BLTP1: variants seen among roughly 807,000 people sequenced by gnomAD.
The protein encoded by BLTP1 is bridge-like lipid transfer protein family member 1.
At chr4:122,195,356 A>G in the BLTP1 span, among the ~76,000 whole-genome samples, 1 of 152,156 alleles carries the variant, frequency 6.6e-6, no homozygotes, top group Admixed American at 6.5e-5. Flanking sequence ...GAGTTGAAAT[A>G]CAAACTGTTT....
chr4:122,334,430 C>T, the BLTP1 span: 7 of 1,613,026 alleles, frequency 4.3e-6, no homozygotes, highest in African/African-American at 5.3e-5. Context: ...CCAAAGAGTC[C>T]AAGCTGTATG....
chr4:122,251,220 A>AATATG, the BLTP1 span: 2 of 853,642 alleles, frequency 2.3e-6, no homozygotes, highest in South Asian at 1.1e-4. Context: ...TGAAGCAGGT[A>AATATG]ATACATATGA....
At chr4:122,210,107 C>A in the BLTP1 span, 2 of 773,330 alleles carry the variant, frequency 2.6e-6, no homozygotes, top group Non-Finnish European at 3.1e-6. Context: ...AATGTTGGGC[C>A]AAGCAATTTT....
At chr4:122,357,667 G>A in the BLTP1 span, among the ~76,000 whole-genome samples, 1 of 151,718 alleles carries the variant, frequency 6.6e-6, no homozygotes. Context: ...AGTTTGAAAT[G>A]TAATGATTTG....
the BLTP1 span, among the ~76,000 whole-genome samples, chr4:122,339,601 C>G: frequency 2.6e-5 from 4 of 151,878 alleles, no homozygotes; most frequent in Non-Finnish European, 5.9e-5. Context: ...CTTGAGTTAC[C>G]CTTTGGTTTC....
At chr4:122,361,516 T>C in the BLTP1 span, among the ~76,000 whole-genome samples, 5 of 152,142 alleles carry the variant, frequency 3.3e-5, no homozygotes, top group African/African-American at 1.2e-4. Context: ...TGTTACTTCC[T>C]CTGTTAACTT....
At chr4:122,357,127 T>C in the BLTP1 span, 8 of 696,252 alleles carry the variant, frequency 1.1e-5, no homozygotes, top group African/African-American at 1.5e-4. Flanking sequence ...GAAAACTGAA[T>C]TGAGAAAGCT....
chr4:122,350,527 A>C, the BLTP1 span: 1 of 258,672 alleles, frequency 3.9e-6, no homozygotes. Flanking sequence ...CACTACCCTC[A>C]TGAAGCTCAG....
At chr4:122,246,948 T>TA in the BLTP1 span, 2 of 1,398,748 alleles carry the variant, frequency 1.4e-6, no homozygotes, top group Non-Finnish European at 1.9e-6. Context: ...TTTCAAATCT[T>TA]AATTTATAGA....
chr4:122,314,294 A>T, the BLTP1 span, among the ~76,000 whole-genome samples: 2 of 152,158 alleles, frequency 1.3e-5, no homozygotes, highest in Admixed American at 6.6e-5. Context: ...ATAAAAAAAA[A>T]GATGGAAAAA....
chr4:122,263,469 C>T, the BLTP1 span: 4 of 1,607,700 alleles, frequency 2.5e-6, no homozygotes, highest in South Asian at 1.1e-5. Flanking sequence ...GATATGTTAT[C>T]TGAACATCCC....
At chr4:122,164,461 T>G in the BLTP1 span, 179 of 970,026 alleles carry the variant, frequency 1.8e-4, no homozygotes, top group Non-Finnish European at 2.1e-4. Flanking sequence ...TAGATTAGAT[T>G]CAAGCTATAT....
At chr4:122,174,458 G>C in the BLTP1 span, 2 of 1,469,474 alleles carry the variant, frequency 1.4e-6, no homozygotes, top group South Asian at 2.6e-5. Context: ...ATCAGGAAGA[G>C]AGTGAGAAGA....
the BLTP1 span, chr4:122,266,718 C>T: frequency 2.2e-6 from 3 of 1,378,622 alleles, no homozygotes; most frequent in East Asian, 5.1e-5. Context: ...CATTTTCCTA[C>T]ATGTAATTTC....
At chr4:122,198,362 A>G in the BLTP1 span, 1 of 985,384 alleles carries the variant, frequency 1.0e-6, no homozygotes, top group Non-Finnish European at 1.2e-6. Context: ...TAGAAAAGCC[A>G]AAAGCATCTT....
At chr4:122,274,522 T>A in the BLTP1 span, 1 of 1,525,930 alleles carries the variant, frequency 6.6e-7, no homozygotes, top group Non-Finnish European at 8.7e-7. Context: ...AATTTTGAGG[T>A]TTGTATATAC....
chr4:122,204,580 T>C, the BLTP1 span: 10 of 984,946 alleles, frequency 1.0e-5, no homozygotes, highest in East Asian at 1.0e-3. Context: ...AATATTATGT[T>C]GGCAATAAAG....
At chr4:122,193,092 T>G in the BLTP1 span, among the ~76,000 whole-genome samples, 1 of 152,142 alleles carries the variant, frequency 6.6e-6, no homozygotes, top group African/African-American at 2.4e-5. Context: ...TGTGTCCAGA[T>G]CATACTATCC....
chr4:122,272,030 T>C, the BLTP1 span: 1 of 1,172,340 alleles, frequency 8.5e-7, no homozygotes, highest in Non-Finnish European at 1.2e-6. Context: ...TTTTAATCAT[T>C]TTGTTGGGGA....
Sources: gnomAD v4.1 joint callset for allele counts (sites outside exome capture counted in the v4.1 genomes callset) on GRCh38, gnomAD v4.1.1 for gene constraint, MANE v1.5 for transcripts, NCBI Gene and HGNC (gene_info 2026-07-23, HGNC 2026-07-21) for gene names.